PALM2AKAP2: variants seen among roughly 807,000 people sequenced by gnomAD.
PALM2AKAP2 encodes the protein PALM2-AKAP2 fusion protein.
Under a neutral mutation model 71.5 loss-of-function variants are expected in PALM2AKAP2, and 37 were observed. That is an observed-to-expected ratio of 0.52 (90% CI 0.40 to 0.68). The LOEUF is 0.68. Among genes scored for constraint, PALM2AKAP2 ranks in the 30% least tolerant of loss-of-function variants. The probability of loss-of-function intolerance (pLI) is 0.00; values close to 1 mark genes in which losing one functional copy is unlikely to be tolerated. For missense variants in PALM2AKAP2, 1,224 were observed against 1,191.8 expected (o/e 1.03, Z -0.40); for synonymous variants, 468 against 478.8 (o/e 0.98, Z 0.29).
intron 1 of PALM2AKAP2, among the ~76,000 whole-genome samples, chr9:109,687,283 C>T (rs181948024): frequency 6.6e-6 from 1 of 152,314 alleles, no homozygotes; most frequent in East Asian, 1.9e-4. Flanking sequence ...CATGCATTGA[C>T]TTCTCCTCTC....
At chr9:110,012,760 A>G (rs1231125304) in intron 6 of PALM2AKAP2, among the ~76,000 whole-genome samples, 3 of 152,204 alleles carry the variant, frequency 2.0e-5, no homozygotes, top group African/African-American at 7.2e-5. Context: ...TCTCCTTCTT[A>G]TGGCCATATA....
intron 1 of PALM2AKAP2, among the ~76,000 whole-genome samples, chr9:109,703,562 C>A (rs967260497): frequency 6.6e-6 from 1 of 151,684 alleles, no homozygotes; most frequent in South Asian, 2.1e-4. Context: ...CTTCTTTATT[C>A]AATGCCAAAA....
At chr9:109,983,755 C>T (rs1481764676) in intron 6 of PALM2AKAP2, among the ~76,000 whole-genome samples, 1 of 151,804 alleles carries the variant, frequency 6.6e-6, no homozygotes, top group African/African-American at 2.4e-5. Context: ...ATCCGAGCTA[C>T]TTGGGAGGCT....
At chr9:109,901,638 C>T (rs765411914) in intron 3 of PALM2AKAP2, among the ~76,000 whole-genome samples, 15 of 152,122 alleles carry the variant, frequency 9.9e-5, no homozygotes, top group Non-Finnish European at 1.6e-4. Context: ...CCAGAGGCCA[C>T]AGAACACTAT....
chr9:110,110,161 G>A (rs1204996947), intron 1 of PALM2AKAP2, among the ~76,000 whole-genome samples: 1 of 152,142 alleles, frequency 6.6e-6, no homozygotes, highest in Non-Finnish European at 1.5e-5. Flanking sequence ...ATTCCACAAA[G>A]CATATGTATT....
intron 1 of PALM2AKAP2, among the ~76,000 whole-genome samples, chr9:109,644,544 T>A (rs997738941): frequency 6.6e-6 from 1 of 152,204 alleles, no homozygotes; most frequent in African/African-American, 2.4e-5. Flanking sequence ...AATCAGTAAA[T>A]ATGTGTGTAT....
At chr9:109,885,396 G>A (rs921305245) in intron 3 of PALM2AKAP2, among the ~76,000 whole-genome samples, 78 of 152,292 alleles carry the variant, frequency 5.1e-4, no homozygotes, top group African/African-American at 1.9e-3. Flanking sequence ...GAATTACCAG[G>A]CCTCATTCTA....
intron 1 of PALM2AKAP2, among the ~76,000 whole-genome samples, chr9:109,709,542 A>T (rs537612319): frequency 6.6e-6 from 1 of 152,246 alleles, no homozygotes; most frequent in Non-Finnish European, 1.5e-5. Context: ...TCCTTCATAC[A>T]ACTCTGTGAA....
At chr9:109,987,755 C>T (rs1412929224) in intron 6 of PALM2AKAP2, among the ~76,000 whole-genome samples, 1 of 152,128 alleles carries the variant, frequency 6.6e-6, no homozygotes, top group African/African-American at 2.4e-5. Flanking sequence ...TTTGTTCTGC[C>T]ATCTTTGGGG....
intron 1 of PALM2AKAP2, among the ~76,000 whole-genome samples, chr9:109,747,741 C>G (rs571255468): frequency 6.6e-5 from 10 of 152,192 alleles, no homozygotes; most frequent in African/African-American, 2.4e-4. Flanking sequence ...ATGATCTCGG[C>G]TCACTGCAAC....
chr9:109,762,467 G>A (rs1397707598), intron 1 of PALM2AKAP2, among the ~76,000 whole-genome samples: 1 of 152,114 alleles, frequency 6.6e-6, no homozygotes, highest in Non-Finnish European at 1.5e-5. Flanking sequence ...GATGTGTAGG[G>A]CAGTATAGAT....
At chr9:109,936,515 C>T (rs568718311) in intron 6 of PALM2AKAP2, among the ~76,000 whole-genome samples, 7 of 152,268 alleles carry the variant, frequency 4.6e-5, no homozygotes, top group African/African-American at 1.7e-4. Flanking sequence ...TAAGACTACC[C>T]ATATGTGTGT....
chr9:110,094,160 C>T (rs1426721041), intron 1 of PALM2AKAP2, among the ~76,000 whole-genome samples: 1 of 152,218 alleles, frequency 6.6e-6, no homozygotes, highest in Non-Finnish European at 1.5e-5. Context: ...TTGTTGGATA[C>T]ATCTGTTTTT....
At chr9:110,052,800 G>A (rs927870654) in intron 1 of PALM2AKAP2, among the ~76,000 whole-genome samples, 6 of 152,166 alleles carry the variant, frequency 3.9e-5, no homozygotes, top group South Asian at 2.1e-4. Context: ...ATTTTGTGGT[G>A]GTCTCAGCAT....
intron 2 of PALM2AKAP2, among the ~76,000 whole-genome samples, chr9:109,873,909 G>T (rs145903237): frequency 2.0e-5 from 3 of 152,260 alleles, no homozygotes; most frequent in African/African-American, 7.2e-5. Context: ...GGGAGGCTGA[G>T]GTGGGAGGAT....
intron 3 of PALM2AKAP2, among the ~76,000 whole-genome samples, chr9:109,894,580 C>A (rs1830157281): frequency 6.6e-6 from 1 of 152,116 alleles, no homozygotes; most frequent in East Asian, 1.9e-4. Context: ...GATCAATGGA[C>A]CCATCTTACT....
At chr9:109,961,881 A>G (rs576769675) in intron 6 of PALM2AKAP2, among the ~76,000 whole-genome samples, 1 of 152,350 alleles carries the variant, frequency 6.6e-6, no homozygotes, top group Admixed American at 6.5e-5. Flanking sequence ...ATGAAAAGGA[A>G]CAGCAGAACC....
intron 2 of PALM2AKAP2, among the ~76,000 whole-genome samples, chr9:109,878,831 A>C (rs981247031): frequency 2.0e-5 from 3 of 152,082 alleles, no homozygotes; most frequent in Admixed American, 2.0e-4. Flanking sequence ...TCTGCCCCCC[A>C]GGTTCTAGTG....
At chr9:109,899,821 G>A (rs76218106) in intron 3 of PALM2AKAP2, among the ~76,000 whole-genome samples, 5,584 of 152,224 alleles carry the variant, frequency 0.037, 192 homozygotes, top group East Asian at 0.14. Context: ...GAACCATCAA[G>A]TCTCAGCTGA....
Sources: allele counts gnomAD v4.1 joint callset (sites outside exome capture counted in the v4.1 genomes callset), GRCh38; gene constraint gnomAD v4.1.1; transcripts MANE v1.5; gene names NCBI Gene and HGNC (gene_info 2026-07-23, HGNC 2026-07-21).